The following TRIP11 variants were observed in gnomAD, a reference collection of about 807,000 sequenced individuals.
TRIP11 encodes the protein thyroid hormone receptor interactor 11, also known as thyroid receptor-interacting protein 11.
TRIP11 carries 148 observed loss-of-function variants against 223.1 expected under a neutral mutation model. The observed-to-expected ratio is 0.66, with a 90% confidence interval of 0.58 to 0.76. The LOEUF is 0.76. Among genes scored for constraint, TRIP11 ranks in the 30% least tolerant of loss-of-function variants. TRIP11 has a pLI of 0.00. For synonymous variants in TRIP11, 762 were observed against 772.6 expected (o/e 0.99, Z 0.23); for missense variants, 2,043 against 2,222.0 (o/e 0.92, Z 1.62).
In TRIP11 at chr14:92,021,480, C is replaced by T. The variant is rs1430534200; in HGVS notation, c.588+76G>A. On this transcript the variant is annotated intron_variant, in intron 4 of 20. Transcript: ENST00000267622. ...CCAGGGTTCTTTCTGATATCAAAAG[C>T]TCTACATACAGTTTTTTATATTACA... 2.8e-6 allele frequency: 4 copies of T among 1,453,550 alleles called. No individual in the cohort carries two copies. In the Admixed American group the frequency reaches 5.3e-5, roughly 19 times the overall value. The allele number at this position is 1,453,550 out of a possible 1,614,324, so 90.0% of individuals were successfully genotyped here. A position where few individuals can be genotyped will look rare whatever the true frequency, so the allele number is the denominator to read the frequency against.
chr14:91,972,261 C>T (rs1161521885), intron 20 of TRIP11, among the ~76,000 whole-genome samples: 1 of 152,122 alleles, frequency 6.6e-6, no homozygotes, highest in Non-Finnish European at 1.5e-5. Context: ...ATTAACATGC[C>T]AATGTTTGGT....
rs1397063817 is a variant in TRIP11, at chr14:91,999,331, C to A, written c.4801G>T (p.Ala1601Ser). Residue 1601 changes from alanine (A) to serine (S), a missense_variant, in exon 13 of 21, where the codon GCT (alanine) becomes TCT (serine). Coordinates refer to ENST00000267622, the MANE Select transcript of TRIP11 (RefSeq NM_004239.4). ...AGTTTAGCCTCTCTATCTTCTGCAG[C>A]CAAAGCTTCACGGGTATAAGAATCT... ...SEDSYTREALAAEDREAKLRK... is the reference protein window; with the variant it reads ...SEDSYTREALSAEDREAKLRK... The A allele has an allele frequency of 1.9e-6, 3 of 1,613,812 alleles. No individual in the cohort carries two copies. In the Admixed American group the frequency reaches 5.0e-5, roughly 27 times the overall value.
At chr14:91,980,992 A>T (rs1323331766) in intron 16 of TRIP11, among the ~76,000 whole-genome samples, 2 of 64,504 alleles carry the variant, frequency 3.1e-5, no homozygotes, top group Non-Finnish European at 6.3e-5. Flanking sequence ...TATGTATATT[A>T]TATATATATA....
chr14:92,038,244 G>A (rs2057344903), intron 1 of TRIP11, among the ~76,000 whole-genome samples: 1 of 152,152 alleles, frequency 6.6e-6, no homozygotes, highest in Non-Finnish European at 1.5e-5. Context: ...AAACCTGGAA[G>A]ACATCCAGGT....
At chr14:91,981,786 C>T (rs1293480902) in intron 16 of TRIP11, among the ~76,000 whole-genome samples, 1 of 152,156 alleles carries the variant, frequency 6.6e-6, no homozygotes, top group East Asian at 1.9e-4. Flanking sequence ...GTCCCATAAT[C>T]ATAATTGTTC....
rs1228810064 is a variant in TRIP11, at chr14:91,969,508, C to T, written c.*165G>A. ...TATAGCAAACACTTGCTCCTGACAC[C>T]TGCAGTTTCTAAAAGCATTAGGAAT... On this transcript the variant is annotated 3_prime_UTR_variant, in exon 21 of 21. Coordinates refer to ENST00000267622, the MANE Select transcript of TRIP11 (RefSeq NM_004239.4). 9 of 729,876 alleles carry T rather than the reference C, an allele frequency of 1.2e-5. No homozygotes were observed. The highest frequency in any genetic ancestry group is 2.2e-5 in the Non-Finnish European group (9 of 415,474). The allele number at this position is 729,876 out of a possible 1,614,324, so 45.2% of individuals were successfully genotyped here.
chr14:91,967,549 C>T lies in TRIP11; in HGVS notation c.*2124G>A, dbSNP rs558028397. ...CCACCCACAACAGCTTTTAAACTTA[C>T]GTTAAACCATGGGATGAGAGGCGGA... is the stretch of plus-strand genomic sequence containing the variant. On this transcript the variant is annotated 3_prime_UTR_variant, in exon 21 of 21. Transcript: ENST00000267622. 1.0e-5 allele frequency: 2 copies of T among 200,094 alleles called. No individual in the cohort carries two copies. The highest frequency in any genetic ancestry group is 1.5e-4 in the East Asian group (2 of 12,948). 12.4% of individuals were successfully genotyped at this position (200,094 alleles called of 1,614,324 possible).
At position 91,993,923 on chromosome 14, in the gene TRIP11, A is replaced by G. The variant is rs2056714281; in HGVS notation, c.5057-11T>C. ...ACATAGCTTTTTCCTCTAAAGAGAA[A>G]AGAAAGTTAACATTAGTATTTTGCA... On this transcript the variant is annotated splice_polypyrimidine_tract_variant and intron_variant, in intron 14 of 20. Transcript: ENST00000267622. 6.2e-7 allele frequency: 1 copy of G among 1,600,182 alleles called. No homozygotes were observed. Among genetic ancestry groups the G allele is most frequent in the South Asian group, 1.1e-5 (1 of 90,662 alleles).
intron 2 of TRIP11, chr14:92,026,871 C>CCGA (rs1595408261): frequency 1.3e-6 from 2 of 1,521,376 alleles, no homozygotes; most frequent in East Asian, 4.6e-5. Flanking sequence ...AAGCAGAAGA[C>CCGA]CGACGAGGAT....
At chr14:91,999,181 T>G in intron 13 of TRIP11, 59 bp downstream of exon 13, 20 of 1,553,912 alleles carry the variant, frequency 1.3e-5, no homozygotes, top group Non-Finnish European at 1.8e-5. Context: ...AAATACTTAC[T>G]GAGTCTGATA....
In TRIP11 at chr14:91,969,867, T is replaced by C; in HGVS notation, c.5746A>G (p.Arg1916Gly). 1 of 1,614,156 alleles carries C rather than the reference T, an allele frequency of 6.2e-7. No individual in the cohort carries two copies. Among genetic ancestry groups the C allele is most frequent in the South Asian group, 1.1e-5 (1 of 91,074 alleles). ...KDTAESRSGRRTDVNPFLAPR... is the reference protein window; with the variant it reads ...KDTAESRSGRGTDVNPFLAPR... ...GCCAAAAACGGATTTACATCTGTTC[T>C]TCTACCAGACCTGGATTCTGCTGTA... Residue 1916 changes from arginine (R) to glycine (G), a missense_variant, in exon 21 of 21, where the codon AGA becomes GGA. Physicochemically the swap from Arg to Gly is moderately radical, Grantham distance 125. Coordinates refer to ENST00000267622, the MANE Select transcript of TRIP11 (RefSeq NM_004239.4).
chr14:92,005,200 T>TA lies in TRIP11; in HGVS notation c.2775dup (p.Lys926Ter). On this transcript the variant is annotated frameshift_variant, in exon 11 of 21. Coordinates refer to ENST00000267622, the MANE Select transcript of TRIP11 (RefSeq NM_004239.4). LOFTEE classifies it high-confidence loss of function. ...TGTAAAGACTGAAGTAGTTGCATCTTACTCTGGTTTTGATCTTCAATTATC... is the reference window on the plus strand; with the variant it reads ...TGTAAAGACTGAAGTAGTTGCATCTTAACTCTGGTTTTGATCTTCAATTATC... The TA allele has an allele frequency of 6.2e-7, 1 of 1,614,184 alleles. No homozygotes were observed.
At position 91,978,369 on chromosome 14, in the gene TRIP11, AACCT is replaced by A. The variant is rs1167469505; in HGVS notation, c.5261-2184_5261-2181del. ...AGAAAAACAGAGGTCAAGCTTAGCT[AACCT>A]ACCTCCAACCCCCACCTTCCCTTTC... On this transcript the variant is annotated intron_variant, in intron 16 of 20. Coordinates refer to ENST00000267622, the MANE Select transcript of TRIP11 (RefSeq NM_004239.4). The surrounding 1 kb of genome is among the most constrained non-coding windows in gnomAD (Gnocchi z 4.4). Among the ~76,000 whole-genome samples, 1 of 152,118 alleles carries A rather than the reference AACCT, an allele frequency of 6.6e-6. No homozygotes were observed. Among genetic ancestry groups the A allele is most frequent in the African/African-American group, 2.4e-5 (1 of 41,422 alleles).
chr14:91,991,046 C>A (rs1463345122), intron 15 of TRIP11, among the ~76,000 whole-genome samples: 2 of 152,316 alleles, frequency 1.3e-5, no homozygotes, highest in East Asian at 3.9e-4. Flanking sequence ...TCTGCTATGG[C>A]TTGAATGTAT....
intron 3 of TRIP11, among the ~76,000 whole-genome samples, chr14:92,022,124 A>T (rs1267226236): frequency 6.6e-6 from 1 of 152,226 alleles, no homozygotes; most frequent in African/African-American, 2.4e-5. Context: ...TCTTCTCTGC[A>T]TGGAGTAGTA....
At position 91,969,093 on chromosome 14, in the gene TRIP11, CA is replaced by C; in HGVS notation, c.*579del. ...AGACCCCATCTCTATTTAAAACAAA[CA>C]AAAAAAGAATCTACACACATGATAA... is the stretch of plus-strand genomic sequence containing the variant. On this transcript the variant is annotated 3_prime_UTR_variant, in exon 21 of 21. Coordinates refer to ENST00000267622, the MANE Select transcript of TRIP11 (RefSeq NM_004239.4). The C allele has an allele frequency of 4.5e-6, 1 of 224,056 alleles. No homozygotes were observed. 13.9% of individuals were successfully genotyped at this position (224,056 alleles called of 1,614,324 possible). A position where few individuals can be genotyped will look rare whatever the true frequency, so the allele number is the denominator to read the frequency against.
Position 92,021,696 on chromosome 14 carries a change from T to C in TRIP11, c.448A>G (p.Ile150Val). 1 of 1,614,156 alleles carries C rather than the reference T, an allele frequency of 6.2e-7. No individual in the cohort carries two copies. The highest frequency in any genetic ancestry group is 8.5e-7 in the Non-Finnish European group (1 of 1,180,028). Residue 150 changes from isoleucine to valine, a missense_variant, in exon 4 of 21, where the codon ATT (isoleucine) becomes GTT (valine). By Grantham distance (29) the Ile-to-Val change is conservative (BLOSUM62 3). Coordinates refer to ENST00000267622, the MANE Select transcript of TRIP11 (RefSeq NM_004239.4). ...TGGAAAGCTGAAGGATGATGACTAATCCCATAAGCGAATGAAGATGATGCA... is the reference window on the plus strand; with the variant it reads ...TGGAAAGCTGAAGGATGATGACTAACCCCATAAGCGAATGAAGATGATGCA... ...TTASSSFAYG[I>V]SHHPSAFHDD... is the part of the protein sequence containing the mutation.
intron 20 of TRIP11, among the ~76,000 whole-genome samples, chr14:91,971,119 T>C (rs1032269409): frequency 1.3e-5 from 2 of 152,346 alleles, no homozygotes; most frequent in East Asian, 1.9e-4. Flanking sequence ...AATGTCTTAG[T>C]GGACAGATTC....
At chr14:91,980,707 C>T (rs1449636107) in intron 16 of TRIP11, among the ~76,000 whole-genome samples, 1 of 151,856 alleles carries the variant, frequency 6.6e-6, no homozygotes, top group Non-Finnish European at 1.5e-5. Flanking sequence ...GCATGTTTGT[C>T]ATCTTTGAGG....
Sources: allele counts gnomAD v4.1 joint callset (sites outside exome capture counted in the v4.1 genomes callset), GRCh38; gene constraint gnomAD v4.1.1; non-coding constraint Gnocchi (gnomAD v3.1); transcripts MANE v1.5; gene names NCBI Gene and HGNC (gene_info 2026-07-23, HGNC 2026-07-21).